ARSB: variants seen among roughly 807,000 people sequenced by gnomAD.
The protein encoded by ARSB is arylsulfatase B, also known as N-acetylgalactosamine-4-sulfatase.
A neutral mutation model predicts 50.9 loss-of-function variants in ARSB; 41 were observed. The observed-to-expected ratio is 0.81, with a 90% CI of 0.63 to 1.04. ARSB has a LOEUF of 1.04. Ranked by LOEUF, ARSB falls within the 50% of genes least tolerant of loss-of-function variation. ARSB has a pLI of 0.00. For synonymous variants in ARSB, 269 were observed against 284.8 expected, an observed-to-expected ratio of 0.94 and a Z score of 0.56; for missense variants, 672 against 693.3, an observed-to-expected ratio of 0.97 and a Z score of 0.35.
intron 3 of ARSB, among the ~76,000 whole-genome samples, chr5:78,956,323 CTA>C (rs1751722924): frequency 6.6e-6 from 1 of 151,962 alleles, no homozygotes; most frequent in Non-Finnish European, 1.5e-5. Context: ...ATAGGCAAAT[CTA>C]TAGAGACAGA....
chr5:78,952,041 C>G (rs1333813275), intron 4 of ARSB, among the ~76,000 whole-genome samples: 1 of 152,020 alleles, frequency 6.6e-6, no homozygotes, highest in African/African-American at 2.4e-5. Context: ...TGGATTTAAC[C>G]TAACAAAGCA....
At chr5:78,819,170 C>A (rs748269488) in intron 6 of ARSB, among the ~76,000 whole-genome samples, 2 of 152,156 alleles carry the variant, frequency 1.3e-5, no homozygotes, top group Non-Finnish European at 2.9e-5. Context: ...AATCTCCCCA[C>A]AGGAGTAAGG....
Position 78,955,500 on chromosome 5 carries a change from A to T in ARSB, c.693T>A (p.Pro231=). ...ALITNHPPEK[P]LFLYLALQSV... ...ACTGGAGAGCAAGGTAGAGAAACAG[A>T]GGCTGGAAAGAAAGTTTGTGCAAAC... Residue 231 remains proline (P), a splice_region_variant and synonymous_variant, in exon 4 of 8, where the codon CCT becomes CCA. Coordinates refer to ENST00000264914, the MANE Select transcript of ARSB (RefSeq NM_000046.5). The T allele has an allele frequency of 6.2e-7, 1 of 1,613,898 alleles. No individual in the cohort carries two copies. Among genetic ancestry groups the T allele is most frequent in the Non-Finnish European group, 8.5e-7 (1 of 1,179,852 alleles).
At chr5:78,794,757 T>C (rs1229314726) in intron 6 of ARSB, among the ~76,000 whole-genome samples, 3 of 152,208 alleles carry the variant, frequency 2.0e-5, no homozygotes, top group East Asian at 1.9e-4. Context: ...GTGAGAGGGA[T>C]AGAGTGAAGC....
In ARSB at chr5:78,822,882, C is replaced by T. The variant is rs190045023; in HGVS notation, c.1213+16474G>A. On this transcript the variant is annotated intron_variant, in intron 6 of 7. Coordinates refer to ENST00000264914, the MANE Select transcript of ARSB (RefSeq NM_000046.5). ...CGATCTCTTGACCTCATGATCCGCC[C>T]GCCTCGGCCTCCCAAAGTGCTGGGA... Among the ~76,000 whole-genome samples, 118 of 152,258 alleles carry T rather than the reference C, an allele frequency of 7.7e-4. 1 individual carries two copies. The highest frequency in any genetic ancestry group is 2.5e-3 in the African/African-American group (103 of 41,556).
At chr5:78,941,217 A>C (rs1237738745) in intron 4 of ARSB, among the ~76,000 whole-genome samples, 2 of 151,544 alleles carry the variant, frequency 1.3e-5, no homozygotes, top group African/African-American at 4.8e-5. Context: ...ATATACAATC[A>C]TGTCATCTGC....
rs139155202 is a variant in ARSB, at chr5:78,914,258, C to T, written c.899-28431G>A. 8.9e-4 allele frequency among the ~76,000 whole-genome samples: 136 copies of T among 151,982 alleles called. 1 individual carries two copies. The highest frequency in any genetic ancestry group is 3.2e-3 in the African/African-American group (133 of 41,426). On this transcript the variant is annotated intron_variant, in intron 4 of 7. Transcript: ENST00000264914. The stretch of plus-strand genomic sequence containing the variant: ...GGGATTACAAGCATGAACCACTGTG[C>T]CCAGCAGCCACATATTAATATTTTT...
intron 1 of ARSB, among the ~76,000 whole-genome samples, 154 bp downstream of exon 1, chr5:78,984,783 C>G (rs1291433210): frequency 6.6e-6 from 1 of 151,890 alleles, no homozygotes; most frequent in Non-Finnish European, 1.5e-5. Flanking sequence ...CCTGGAAGAG[C>G]GAGGTTGGGG....
intron 6 of ARSB, among the ~76,000 whole-genome samples, chr5:78,789,111 G>A (rs1749172057): frequency 1.3e-5 from 2 of 152,266 alleles, no homozygotes; most frequent in South Asian, 4.1e-4. Flanking sequence ...CTTGACCTTG[G>A]AAAGTATTGT....
At chr5:78,963,813 C>T (rs1237405009) in intron 3 of ARSB, among the ~76,000 whole-genome samples, 4 of 151,986 alleles carry the variant, frequency 2.6e-5, no homozygotes, top group Non-Finnish European at 5.9e-5. Flanking sequence ...AATATAAATC[C>T]AAGCAGACAC....
intron 6 of ARSB, among the ~76,000 whole-genome samples, chr5:78,832,077 T>C (rs1744719717): frequency 6.7e-6 from 1 of 149,744 alleles, no homozygotes; most frequent in African/African-American, 2.5e-5. Context: ...TAGCTCCGGA[T>C]GGGGAAAACA....
intron 5 of ARSB, among the ~76,000 whole-genome samples, chr5:78,852,377 T>C (rs970248693): frequency 6.6e-5 from 10 of 152,352 alleles, no homozygotes; most frequent in African/African-American, 9.6e-5. Flanking sequence ...GAATGTTGAA[T>C]ATTGGCCCCC....
intron 4 of ARSB, among the ~76,000 whole-genome samples, chr5:78,902,730 C>A (rs561957986): frequency 3.9e-5 from 6 of 152,050 alleles, no homozygotes; most frequent in Non-Finnish European, 8.8e-5. Flanking sequence ...TCCATAAGGA[C>A]AAAACATAGA....
intron 4 of ARSB, among the ~76,000 whole-genome samples, chr5:78,897,491 C>T (rs1196015200): frequency 6.6e-6 from 1 of 152,180 alleles, no homozygotes; most frequent in Non-Finnish European, 1.5e-5. Context: ...CTGGCCTAAA[C>T]CTCTGTAAGC....
intron 6 of ARSB, among the ~76,000 whole-genome samples, chr5:78,834,314 T>G (rs1462757659): frequency 2.6e-5 from 4 of 151,982 alleles, no homozygotes; most frequent in Non-Finnish European, 5.9e-5. Flanking sequence ...AATTGTATGG[T>G]CCAGTGGCAT....
At chr5:78,924,060 GC>G (rs1280780368) in intron 4 of ARSB, among the ~76,000 whole-genome samples, 1 of 152,060 alleles carries the variant, frequency 6.6e-6, no homozygotes, top group Non-Finnish European at 1.5e-5. Context: ...ATTTGTAATT[GC>G]CCAGAGATTA....
In ARSB at chr5:78,848,633, A is replaced by G. The variant is rs150542861; in HGVS notation, c.1143-9207T>C. On this transcript the variant is annotated intron_variant, in intron 5 of 7. Coordinates refer to ENST00000264914, the MANE Select transcript of ARSB (RefSeq NM_000046.5). ...TTTCTAGTCTAGTTCTAGATCCCTG[A>G]GGAATCATCACACTGACTTCCACAA... Among the ~76,000 whole-genome samples, 783 of 151,980 alleles carry G rather than the reference A, an allele frequency of 5.2e-3. 11 individuals are homozygous for G. Among genetic ancestry groups the G allele is most frequent in the Non-Finnish European group, 3.6e-3 (245 of 68,028 alleles).
intron 4 of ARSB, among the ~76,000 whole-genome samples, chr5:78,895,168 T>C (rs972136596): frequency 3.3e-5 from 5 of 152,198 alleles, no homozygotes; most frequent in Non-Finnish European, 5.9e-5. Flanking sequence ...TAGCAATATG[T>C]GCGGTGTCTG....
At chr5:78,939,460 G>T (rs1038996985) in intron 4 of ARSB, among the ~76,000 whole-genome samples, 10 of 151,972 alleles carry the variant, frequency 6.6e-5, no homozygotes, top group Non-Finnish European at 1.5e-4. Flanking sequence ...AGGCCCCGGT[G>T]TGTGATGTTT....
Sources: gnomAD v4.1 joint callset for allele counts (sites outside exome capture counted in the v4.1 genomes callset) on GRCh38, gnomAD v4.1.1 for gene constraint, MANE v1.5 for transcripts, NCBI Gene and HGNC (gene_info 2026-07-23, HGNC 2026-07-21) for gene names.